Variants in CALHM5 observed in about 807,000 individuals in gnomAD.
CALHM5 encodes the protein calcium homeostasis modulator family member 5, also known as calcium homeostasis modulator protein 5.
CALHM5 carries 17 observed loss-of-function variants against 20.9 expected under a neutral mutation model. The ratio of observed to expected loss-of-function variants is 0.82; its 90% CI spans 0.56 to 1.22. The LOEUF is 1.22. CALHM5 is among the 50% of genes most tolerant of loss of function. The pLI is 0.00. For missense variants in CALHM5, 360 were observed against 364.6 expected, an observed-to-expected ratio of 0.99 and a Z score of 0.10; for synonymous variants, 148 against 140.0, an observed-to-expected ratio of 1.06 and a Z score of -0.40.
chr6:116,519,016 C>G lies in CALHM5; in HGVS notation c.*3027C>G, dbSNP rs2115171857. 6.6e-6 allele frequency: 1 copy of G among 152,294 alleles called. No homozygotes were observed. The highest frequency in any genetic ancestry group is 2.1e-4 in the South Asian group (1 of 4,826). The allele number at this position is 152,294 out of a possible 1,614,324, so 9.4% of individuals were successfully genotyped here. ...AAACTTATCTGTCCCACAAATAGTC[C>G]TGGAGGCAGTGGAGTAAGATAGGGA... On this transcript the variant is annotated 3_prime_UTR_variant, in exon 2 of 2. Transcript: ENST00000368599.
In CALHM5 at chr6:116,524,776, G is replaced by C. The variant is rs1772414442; in HGVS notation, c.*8787G>C. ...TTTCTTATATTTCAATAAAAAAGTT[G>C]GAAAATTTTCAACTTATTTTCCTTT... On this transcript the variant is annotated 3_prime_UTR_variant, in exon 2 of 2. Transcript: ENST00000368599. 6.6e-6 allele frequency: 1 copy of C among 151,848 alleles called. No individual in the cohort carries two copies. Among genetic ancestry groups the C allele is most frequent in the East Asian group, 1.9e-4 (1 of 5,184 alleles). 9.4% of individuals were successfully genotyped at this position (151,848 alleles called of 1,614,324 possible). A position where few individuals can be genotyped will look rare whatever the true frequency, so the allele number is the denominator to read the frequency against.
chr6:116,515,789 T>A lies in CALHM5; in HGVS notation c.730T>A (p.Cys244Ser). Residue 244 changes from cysteine to serine, a missense_variant, in exon 2 of 2, where the codon TGT (cysteine) becomes AGT (serine). By Grantham distance (112) the Cys-to-Ser change is moderately radical. Coordinates refer to ENST00000368599, the MANE Select transcript of CALHM5 (RefSeq NM_153711.5). ...CAAGCTGAGCGAGAGGAACCTGAAA[T>A]GTTTTTTTGAAAACAAGAGGCCAGA... is the stretch of plus-strand genomic sequence containing the variant. Reference protein sequence around the residue: ...ANKLSERNLKCFFENKRPDPF... With the variant: ...ANKLSERNLKSFFENKRPDPF... 3.1e-6 allele frequency: 5 copies of A among 1,614,014 alleles called. No homozygotes were observed. Among genetic ancestry groups the A allele is most frequent in the Non-Finnish European group, 4.2e-6 (5 of 1,179,938 alleles).
In CALHM5 at chr6:116,516,661, ATAT is replaced by A. The variant is rs1772231329; in HGVS notation, c.*673_*675del. 5.0e-3 allele frequency: 5 copies of A among 1,002 alleles called. No homozygotes were observed. Among genetic ancestry groups the A allele is most frequent in the Non-Finnish European group, 0.014 (5 of 362 alleles). The allele number at this position is 1,002 out of a possible 1,614,324, so 0.1% of individuals were successfully genotyped here. On this transcript the variant is annotated 3_prime_UTR_variant, in exon 2 of 2. Transcript: ENST00000368599. ...CCTACATTCAAAATAGTAGTAACAAATATATATATATATATATATATATATATA... is the reference window on the plus strand; with the variant it reads ...CCTACATTCAAAATAGTAGTAACAAAATATATATATATATATATATATATA...
intron 1 of CALHM5, among the ~76,000 whole-genome samples, chr6:116,512,618 G>A (rs1772146817): frequency 6.6e-6 from 1 of 152,184 alleles, no homozygotes. Flanking sequence ...TTACATTCAA[G>A]TTGTTTTCTC....
rs1267504686 is a variant in CALHM5, at chr6:116,524,188, G to A, written c.*8199G>A. On this transcript the variant is annotated 3_prime_UTR_variant, in exon 2 of 2. Coordinates refer to ENST00000368599, the MANE Select transcript of CALHM5 (RefSeq NM_153711.5). ...TACTCTAGAAAAAAGAGTTTAGGGA[G>A]AAAGCTGAAAGATGAAATAAGATTG... The A allele has an allele frequency of 1.3e-5, 2 of 152,166 alleles. No homozygotes were observed. Among genetic ancestry groups the A allele is most frequent in the Non-Finnish European group, 2.9e-5 (2 of 68,010 alleles). 9.4% of individuals were successfully genotyped at this position (152,166 alleles called of 1,614,324 possible).
At chr6:116,513,649 G>A (rs1772168397) in intron 1 of CALHM5, among the ~76,000 whole-genome samples, 1 of 152,214 alleles carries the variant, frequency 6.6e-6, no homozygotes, top group Non-Finnish European at 1.5e-5. Context: ...ATGTGGGCAA[G>A]AGAACTTGTA....
chr6:116,512,086 C>T lies in CALHM5; in HGVS notation c.390C>T (p.Ser130=), dbSNP rs772381374. Residue 130 remains serine, a synonymous_variant, in exon 1 of 2, where the codon AGC becomes AGT. Transcript: ENST00000368599. ...LNGTFYECAM[S]GTRSSGLLEL... is the part of the protein sequence containing the mutation. ...GAACTTTCTATGAATGTGCCATGAG[C>T]GGGACGAGAAGTTCAGGACTCCTGG... is the stretch of plus-strand genomic sequence containing the variant. 1.5e-5 allele frequency: 25 copies of T among 1,613,956 alleles called. No individual in the cohort carries two copies. Among genetic ancestry groups the T allele is most frequent in the South Asian group, 1.1e-4 (10 of 91,072 alleles).
In CALHM5 at chr6:116,512,249, A is replaced by T; in HGVS notation, c.540+13A>T. On this transcript the variant is annotated intron_variant, in intron 1 of 1. Coordinates refer to ENST00000368599, the MANE Select transcript of CALHM5 (RefSeq NM_153711.5). Reference sequence around the variant, plus strand: ...GGCCCAGTCTCAGGTAAGAAAAGACAAACTCGCCTTTTTCTCTCAGCATGA... The same window carrying T: ...GGCCCAGTCTCAGGTAAGAAAAGACTAACTCGCCTTTTTCTCTCAGCATGA... 1 of 1,580,128 alleles carries T rather than the reference A, an allele frequency of 6.3e-7. No homozygotes were observed. Among genetic ancestry groups the T allele is most frequent in the Middle Eastern group, 1.7e-4 (1 of 5,926 alleles).
rs756253294 is a variant in CALHM5 at position 116,512,119 on chromosome 6, T to G, written c.423T>G (p.Ile141Met). ...GAAGTTCAGGACTCCTGGAACTGAT[T>G]TGCAAGGGTAAGCCCAAAGAGTGCT... ...GTRSSGLLEL[I>M]CKGKPKECWE... Residue 141 changes from isoleucine to methionine, a missense_variant, in exon 1 of 2, where the codon ATT becomes ATG. Ile to Met is a conservative substitution (Grantham distance 10). Transcript: ENST00000368599. The G allele has an allele frequency of 1.2e-6, 2 of 1,613,996 alleles. No homozygotes were observed. The highest frequency in any genetic ancestry group is 3.3e-5 in the Admixed American group (2 of 59,974).
intron 1 of CALHM5, among the ~76,000 whole-genome samples, chr6:116,513,185 T>C (rs1772159143): frequency 6.6e-6 from 1 of 152,196 alleles, no homozygotes; most frequent in Non-Finnish European, 1.5e-5. Flanking sequence ...TTTTACTTTT[T>C]CGACAAGGAT....
In CALHM5 at chr6:116,523,032, G is replaced by A. The variant is rs1772374483; in HGVS notation, c.*7043G>A. ...GGGTGTCTGATTCAGTAGGTCTGGG[G>A]TGAGGCAAGATAATCTGCATTTCTA... is the stretch of plus-strand genomic sequence containing the variant. On this transcript the variant is annotated 3_prime_UTR_variant, in exon 2 of 2. Coordinates refer to ENST00000368599, the MANE Select transcript of CALHM5 (RefSeq NM_153711.5). The A allele has an allele frequency of 7.9e-6, 1 of 127,200 alleles. No individual in the cohort carries two copies. 7.9% of individuals were successfully genotyped at this position (127,200 alleles called of 1,614,324 possible).
At position 116,515,615 on chromosome 6, in the gene CALHM5, C is replaced by T; in HGVS notation, c.556C>T (p.Leu186=). The change falls in exon 2 of 2, where the codon CTG becomes TTG. Residue 186 remains leucine (L), a synonymous_variant. Transcript: ENST00000368599. ...TCTTCTTAAGATTCTAGGATGGTGC[C>T]TGATTTGTTCAGCGTCTTTCTTCTC... is the stretch of plus-strand genomic sequence containing the variant. ...QAQSQILGWC[L]ICSASFFSLL... 3 of 1,610,452 alleles carry T rather than the reference C, an allele frequency of 1.9e-6. No homozygotes were observed. The highest frequency in any genetic ancestry group is 2.5e-6 in the Non-Finnish European group (3 of 1,178,354).
In CALHM5 at chr6:116,521,822, C is replaced by G. The variant is rs1772348658; in HGVS notation, c.*5833C>G. ...GGCAGATGTAGTCGTGTTATCCTCA[C>G]TTTGAATCTGACCTTATGAACCAAT... On this transcript the variant is annotated 3_prime_UTR_variant, in exon 2 of 2. Coordinates refer to ENST00000368599, the MANE Select transcript of CALHM5 (RefSeq NM_153711.5). The G allele has an allele frequency of 6.6e-6, 1 of 152,210 alleles. No homozygotes were observed. The highest frequency in any genetic ancestry group is 2.4e-5 in the African/African-American group (1 of 41,450). The allele number at this position is 152,210 out of a possible 1,614,324, so 9.4% of individuals were successfully genotyped here.
Position 116,520,937 on chromosome 6 carries a change from T to C in CALHM5, c.*4948T>C, listed in dbSNP as rs1035897696. The C allele has an allele frequency of 1.8e-4, 27 of 152,072 alleles. No individual in the cohort carries two copies. The highest frequency in any genetic ancestry group is 5.3e-4 in the African/African-American group (22 of 41,490). The allele number at this position is 152,072 out of a possible 1,614,324, so 9.4% of individuals were successfully genotyped here. On this transcript the variant is annotated 3_prime_UTR_variant, in exon 2 of 2. Coordinates refer to ENST00000368599, the MANE Select transcript of CALHM5 (RefSeq NM_153711.5). ...GCATTTTTTTTTTTATGAATTTAAA[T>C]TGGTTCTAGCTAAGCAATTTTGGAG...
rs753942824 is a variant in CALHM5 at position 116,512,130 on chromosome 6, A to C, written c.434A>C (p.Lys145Thr). 2 of 1,613,968 alleles carry C rather than the reference A, an allele frequency of 1.2e-6. No individual in the cohort carries two copies. Among genetic ancestry groups the C allele is most frequent in the Non-Finnish European group, 1.7e-6 (2 of 1,179,998 alleles). Residue 145 changes from lysine to threonine, a missense_variant, in exon 1 of 2, where the codon AAG (lysine) becomes ACG (threonine). Transcript: ENST00000368599. ...CTCCTGGAACTGATTTGCAAGGGTA[A>C]GCCCAAAGAGTGCTGGGAAGAACTT... ...SGLLELICKG[K>T]PKECWEELHK...
Position 116,515,810 on chromosome 6 carries a change from C to T in CALHM5, c.751C>T (p.Pro251Ser), listed in dbSNP as rs763170051. 2 of 1,613,940 alleles carry T rather than the reference C, an allele frequency of 1.2e-6. No homozygotes were observed. Among genetic ancestry groups the T allele is most frequent in the South Asian group, 2.2e-5 (2 of 91,080 alleles). Residue 251 changes from proline (P) to serine (S), a missense_variant, in exon 2 of 2, where the codon CCA (proline) becomes TCA (serine). Coordinates refer to ENST00000368599, the MANE Select transcript of CALHM5 (RefSeq NM_153711.5). ...GAAATGTTTTTTTGAAAACAAGAGG[C>T]CAGATCCTTTTCCCATGCCTACGTT... ...NLKCFFENKR[P>S]DPFPMPTFAA...
intron 1 of CALHM5, 85 bp downstream of exon 1, chr6:116,512,321 T>C (rs1174755178): frequency 1.4e-6 from 2 of 1,391,910 alleles, no homozygotes; most frequent in Non-Finnish European, 1.9e-6. Context: ...GCTGTCTGTG[T>C]CCTGTCAGAA....
chr6:116,514,470 A>G (rs1772183284), intron 1 of CALHM5, among the ~76,000 whole-genome samples: 1 of 152,250 alleles, frequency 6.6e-6, no homozygotes, highest in Admixed American at 6.5e-5. Context: ...TATTTGAAGA[A>G]TAGCAGCATA....
At chr6:116,515,493 A>AT (rs1772203773) in intron 1 of CALHM5, 107 bp from the exon 2 acceptor site, 2 of 1,129,220 alleles carry the variant, frequency 1.8e-6, no homozygotes, top group Non-Finnish European at 2.5e-6. Flanking sequence ...CAAATGAGGT[A>AT]TGTCAAAGAC....
Sources: allele counts gnomAD v4.1 joint callset (sites outside exome capture counted in the v4.1 genomes callset), GRCh38; gene constraint gnomAD v4.1.1; transcripts MANE v1.5; gene names NCBI Gene and HGNC (gene_info 2026-07-23, HGNC 2026-07-21).